The following AP2M1 variants were observed in gnomAD, a reference collection of about 807,000 sequenced individuals.
AP2M1 encodes the protein adaptor related protein complex 2 subunit mu 1.
In AP2M1, 5 loss-of-function variants were observed where a neutral mutation model predicts 54.5. The ratio of observed to expected loss-of-function variants is 0.09; its 90% CI spans 0.05 to 0.19. The LOEUF (loss-of-function observed/expected upper bound fraction) is 0.19. AP2M1 is among the 10% of genes least tolerant of loss of function. The probability of loss-of-function intolerance (pLI) is 1.00; values close to 1 mark genes in which losing one functional copy is unlikely to be tolerated. For synonymous variants in AP2M1, 186 were observed against 208.2 expected, an observed-to-expected ratio of 0.89 and a Z score of 0.92; for missense variants, 178 against 580.2, an observed-to-expected ratio of 0.31 and a Z score of 7.12.
In AP2M1 at chr3:184,174,892, G is replaced by T; in HGVS notation, c.-111G>T. The T allele has an allele frequency of 2.5e-6, 1 of 398,608 alleles. No individual in the cohort carries two copies. The highest frequency in any genetic ancestry group is 4.4e-6 in the Non-Finnish European group (1 of 226,008). 24.7% of individuals were successfully genotyped at this position (398,608 alleles called of 1,614,324 possible). Reference sequence around the variant, plus strand: ...GCCGAGGCAGCGGGCAGACGAGCAGGGGGCGGGCGGACATCTTGGGATCCG... The same window carrying T: ...GCCGAGGCAGCGGGCAGACGAGCAGTGGGCGGGCGGACATCTTGGGATCCG... On this transcript the variant is annotated 5_prime_UTR_variant, in exon 1 of 12. Coordinates refer to ENST00000292807, the MANE Select transcript of AP2M1 (RefSeq NM_004068.4).
rs1226349738 is a variant in AP2M1, at chr3:184,180,284, G to A, written c.423+33G>A. 6.2e-7 allele frequency: 1 copy of A among 1,608,302 alleles called. No individual in the cohort carries two copies. The highest frequency in any genetic ancestry group is 1.1e-5 in the South Asian group (1 of 90,754). On this transcript the variant is annotated intron_variant, in intron 4 of 11. Transcript: ENST00000292807. The surrounding 1 kb of genome is among the most constrained non-coding windows in gnomAD (Gnocchi z 4.9). ...AATTGTGCAGACTATAGTCAGGGTGGAGTCCAATCTCCCTTCATCTCAGCT... is the reference window on the plus strand; with the variant it reads ...AATTGTGCAGACTATAGTCAGGGTGAAGTCCAATCTCCCTTCATCTCAGCT...
chr3:184,178,461 G>A lies in AP2M1; in HGVS notation c.75-396G>A, dbSNP rs1715160918. ...TCCCCACTGGTGGGATCACTAGCGG[G>A]AGGACTGAAGAAGCAGTGTCTCTTT... On this transcript the variant is annotated intron_variant, in intron 2 of 11. Coordinates refer to ENST00000292807, the MANE Select transcript of AP2M1 (RefSeq NM_004068.4). The surrounding 1 kb of genome is among the most constrained non-coding windows in gnomAD (Gnocchi z 4.9). 6.6e-6 allele frequency among the ~76,000 whole-genome samples: 1 copy of A among 152,260 alleles called. No individual in the cohort carries two copies. Among genetic ancestry groups the A allele is most frequent in the African/African-American group, 2.4e-5 (1 of 41,470 alleles).
chr3:184,180,780 G>A lies in AP2M1; in HGVS notation c.430-69G>A, dbSNP rs779002944. 3.8e-5 allele frequency: 62 copies of A among 1,614,052 alleles called. No homozygotes were observed. Among genetic ancestry groups the A allele is most frequent in the Non-Finnish European group, 4.7e-5 (56 of 1,180,024 alleles). On this transcript the variant is annotated intron_variant, in intron 5 of 11. Transcript: ENST00000292807. The surrounding 1 kb of genome is among the most constrained non-coding windows in gnomAD (Gnocchi z 4.9). Reference sequence around the variant, plus strand: ...GGGATGGGGAATGAGGGTGGAGTGGGGATAGAGACAGGATGATTAAAGGGA... The same window carrying A: ...GGGATGGGGAATGAGGGTGGAGTGGAGATAGAGACAGGATGATTAAAGGGA...
intron 1 of AP2M1, among the ~76,000 whole-genome samples, chr3:184,175,487 C>T (rs1025051112): frequency 9.2e-5 from 14 of 152,256 alleles, no homozygotes; most frequent in African/African-American, 3.1e-4. Context: ...AGCCTACCAC[C>T]CTCTCATTAC....
Position 184,174,890 on chromosome 3 carries a change from AGGGGGC to A in AP2M1, c.-109_-104del. On this transcript the variant is annotated 5_prime_UTR_variant, in exon 1 of 12. Coordinates refer to ENST00000292807, the MANE Select transcript of AP2M1 (RefSeq NM_004068.4). Reference sequence around the variant, plus strand: ...AAGCCGAGGCAGCGGGCAGACGAGCAGGGGGCGGGCGGACATCTTGGGATCCGGAGA... The same window carrying A: ...AAGCCGAGGCAGCGGGCAGACGAGCAGGGCGGACATCTTGGGATCCGGAGA... 2.5e-6 allele frequency: 1 copy of A among 398,448 alleles called. No individual in the cohort carries two copies. The highest frequency in any genetic ancestry group is 4.4e-6 in the Non-Finnish European group (1 of 225,938). The allele number at this position is 398,448 out of a possible 1,614,324, so 24.7% of individuals were successfully genotyped here. A position where few individuals can be genotyped will look rare whatever the true frequency, so the allele number is the denominator to read the frequency against.
chr3:184,175,168 C>T (rs1304190054), intron 1 of AP2M1: 2 of 393,792 alleles, frequency 5.1e-6, no homozygotes, highest in Non-Finnish European at 8.9e-6. Context: ...GTGCCCTCCA[C>T]CTGACCCGCC....
intron 1 of AP2M1, among the ~76,000 whole-genome samples, chr3:184,175,531 C>T (rs1433768082): frequency 6.6e-6 from 1 of 152,198 alleles, no homozygotes; most frequent in Non-Finnish European, 1.5e-5. Context: ...CTCTGTCTCC[C>T]CAGCTTTCCC....
Position 184,180,032 on chromosome 3 carries a change from G to T in AP2M1, c.341-137G>T. ...GTAAAGCACAAATCACAGAATAAAT[G>T]CTACAAAGCTAGAAGACTTTCTTGC... On this transcript the variant is annotated intron_variant, in intron 3 of 11. Transcript: ENST00000292807. The surrounding 1 kb of genome is among the most constrained non-coding windows in gnomAD (Gnocchi z 4.9). The T allele has an allele frequency of 1.4e-6, 1 of 722,276 alleles. No individual in the cohort carries two copies. Among genetic ancestry groups the T allele is most frequent in the South Asian group, 1.8e-5 (1 of 55,824 alleles). The allele number at this position is 722,276 out of a possible 1,614,324, so 44.7% of individuals were successfully genotyped here.
chr3:184,179,586 A>C (rs1206252126), intron 3 of AP2M1, among the ~76,000 whole-genome samples: 2 of 150,004 alleles, frequency 1.3e-5, no homozygotes, highest in Admixed American at 6.6e-5. Flanking sequence ...CCCAATGTCT[A>C]TTTTCTGGAG....
rs1050222613 is a variant in AP2M1, at chr3:184,178,025, C to G, written c.75-832C>G. Among the ~76,000 whole-genome samples the G allele has an allele frequency of 6.6e-6, 1 of 151,984 alleles. No individual in the cohort carries two copies. The highest frequency in any genetic ancestry group is 1.5e-5 in the Non-Finnish European group (1 of 67,992). The stretch of plus-strand genomic sequence containing the variant: ...GGCTGGCTACACCCCCCACCCCAGA[C>G]CCCCTCCTGCCTTGGATGGACTGGG... On this transcript the variant is annotated intron_variant, in intron 2 of 11. Transcript: ENST00000292807. The surrounding 1 kb of genome is among the most constrained non-coding windows in gnomAD (Gnocchi z 4.9).
chr3:184,181,061 C>T lies in AP2M1; in HGVS notation c.566-24C>T, dbSNP rs1208909164. ...GCCTGCCTGCCTGACTCCGCTGCTC[C>T]CCATTTATCTGTTCCATCACCAGGG... On this transcript the variant is annotated intron_variant, in intron 6 of 11. Transcript: ENST00000292807. The surrounding 1 kb of genome is among the most constrained non-coding windows in gnomAD (Gnocchi z 5.7). The T allele has an allele frequency of 6.2e-6, 10 of 1,614,122 alleles. No homozygotes were observed. Among genetic ancestry groups the T allele is most frequent in the Non-Finnish European group, 8.5e-6 (10 of 1,180,016 alleles).
At chr3:184,177,689 T>C in intron 2 of AP2M1, 1 of 1,339,194 alleles carries the variant, frequency 7.5e-7, no homozygotes, top group Non-Finnish European at 1.0e-6. Context: ...CAGCTCCATA[T>C]CCTGGGCCTT....
chr3:184,177,711 A>T lies in AP2M1; in HGVS notation c.74+644A>T, dbSNP rs373028595. 3.0e-5 allele frequency: 35 copies of T among 1,152,644 alleles called. No individual in the cohort carries two copies. In the Admixed American group the frequency reaches 3.3e-4, roughly 11 times the overall value. 71.4% of individuals were successfully genotyped at this position (1,152,644 alleles called of 1,614,324 possible). A position where few individuals can be genotyped will look rare whatever the true frequency, so the allele number is the denominator to read the frequency against. ...ATATCCTGGGCCTTCACACAGAGCC[A>T]CAGCCTGCCTTCTCATTCTGCGCCC... On this transcript the variant is annotated intron_variant, in intron 2 of 11. Coordinates refer to ENST00000292807, the MANE Select transcript of AP2M1 (RefSeq NM_004068.4).
rs1402084742 is a variant in AP2M1 at position 184,183,146 on chromosome 3, CA to C, written c.1173+279del. 16 of 559,656 alleles carry C rather than the reference CA, an allele frequency of 2.9e-5. No homozygotes were observed. The highest frequency in any genetic ancestry group is 2.2e-4 in the East Asian group (7 of 32,316). The allele number at this position is 559,656 out of a possible 1,614,324, so 34.7% of individuals were successfully genotyped here. ...CCAGGTAAGACACAAAGTTTACTTA[CA>C]GACAGGATAATGGGCTGACTTTGCT... On this transcript the variant is annotated intron_variant, in intron 11 of 11. Transcript: ENST00000292807. The surrounding 1 kb of genome is among the most constrained non-coding windows in gnomAD (Gnocchi z 5.7).
Position 184,178,143 on chromosome 3 carries a change from CCT to C in AP2M1, c.75-706_75-705del, listed in dbSNP as rs1560125671. ...CCTCCCGGTGTGTTGTGTGTCTAAC[CCT>C]CTCTCTCGTTGCTATCACTCTCCTC... On this transcript the variant is annotated intron_variant, in intron 2 of 11. Coordinates refer to ENST00000292807, the MANE Select transcript of AP2M1 (RefSeq NM_004068.4). This position sits in a 1 kb window ranked among gnomAD's most constrained non-coding sequence, Gnocchi z 4.9. 3 of 1,479,498 alleles carry C rather than the reference CCT, an allele frequency of 2.0e-6. No individual in the cohort carries two copies. The highest frequency in any genetic ancestry group is 2.7e-6 in the Non-Finnish European group (3 of 1,095,486). The allele number at this position is 1,479,498 out of a possible 1,614,324, so 91.6% of individuals were successfully genotyped here.
chr3:184,183,404 G>C lies in AP2M1; in HGVS notation c.1174-78G>C. ...AAACACCTGTAGTAGCGATGAAGTA[G>C]GGCAGGGCAACGGGACTTCCCAGAG... On this transcript the variant is annotated intron_variant, in intron 11 of 11. Transcript: ENST00000292807. The surrounding 1 kb of genome is among the most constrained non-coding windows in gnomAD (Gnocchi z 5.7). 1 of 1,590,772 alleles carries C rather than the reference G, an allele frequency of 6.3e-7. No individual in the cohort carries two copies. Among genetic ancestry groups the C allele is most frequent in the Non-Finnish European group, 8.6e-7 (1 of 1,166,806 alleles).
At position 184,181,893 on chromosome 3, in the gene AP2M1, T is replaced by C. The variant is rs371916595; in HGVS notation, c.828-19T>C. On this transcript the variant is annotated intron_variant, in intron 8 of 11. Transcript: ENST00000292807. This position sits in a 1 kb window ranked among gnomAD's most constrained non-coding sequence, Gnocchi z 5.7. ...GAAGTGGGTCAGCTCTTTGGTAACC[T>C]TGCTTCCCATCCCTTAAGGTATCGC... is the stretch of plus-strand genomic sequence containing the variant. 4.3e-5 allele frequency: 70 copies of C among 1,613,664 alleles called. No homozygotes were observed. Among genetic ancestry groups the C allele is most frequent in the Admixed American group, 3.8e-4 (23 of 59,996 alleles).
At chr3:184,177,578 C>T (rs1363689851) in intron 2 of AP2M1, 17 of 1,535,996 alleles carry the variant, frequency 1.1e-5, no homozygotes, top group Non-Finnish European at 1.5e-5. Flanking sequence ...GTCTTCAGTT[C>T]CTCTGGCCCA....
Position 184,182,359 on chromosome 3 carries a change from T to C in AP2M1, c.1061+111T>C, listed in dbSNP as rs1715302342. On this transcript the variant is annotated intron_variant, in intron 10 of 11. Transcript: ENST00000292807. The surrounding 1 kb of genome is among the most constrained non-coding windows in gnomAD (Gnocchi z 5.5). ...GGCAGGGGAGTGTGCCTGTTTGCTT[T>C]TCTAGGAGCCTCTGCTTGTACTGTC... 3.4e-6 allele frequency: 4 copies of C among 1,179,558 alleles called. No homozygotes were observed. The African/African-American group carries it at 4.6e-5, about 14-fold the overall frequency. 73.1% of individuals were successfully genotyped at this position (1,179,558 alleles called of 1,614,324 possible).
Sources: gnomAD v4.1 joint callset for allele counts (sites outside exome capture counted in the v4.1 genomes callset) on GRCh38, gnomAD v4.1.1 for gene constraint, Gnocchi (gnomAD v3.1) non-coding constraint, MANE v1.5 for transcripts, NCBI Gene and HGNC (gene_info 2026-07-23, HGNC 2026-07-21) for gene names.